Variants in SLC9D1 observed in about 807,000 individuals in gnomAD.
SLC9D1 encodes putative LAG1-interacting protein.
chr13:113,493,779 T>C, the SLC9D1 span, among the ~76,000 whole-genome samples: 1 of 152,172 alleles, frequency 6.6e-6, no homozygotes, highest in Non-Finnish European at 1.5e-5. Flanking sequence ...TGACTTTTGC[T>C]TGTAATTCTG....
the SLC9D1 span, among the ~76,000 whole-genome samples, chr13:113,540,403 C>G: frequency 6.6e-6 from 1 of 152,192 alleles, no homozygotes. Flanking sequence ...GCGTCTGTTG[C>G]CTTTTGACTT....
At chr13:113,508,240 A>G in the SLC9D1 span, among the ~76,000 whole-genome samples, 1 of 152,216 alleles carries the variant, frequency 6.6e-6, no homozygotes, top group Admixed American at 6.5e-5. Context: ...AACTAAAGCT[A>G]GAGAGATTGC....
chr13:113,500,245 C>T, the SLC9D1 span: 2 of 705,158 alleles, frequency 2.8e-6, no homozygotes, highest in Non-Finnish European at 4.2e-6. Flanking sequence ...GCACAGCCTT[C>T]CTTCTAGCAG....
At chr13:113,548,589 GC>G in the SLC9D1 span, 1 of 902,594 alleles carries the variant, frequency 1.1e-6, no homozygotes, top group Non-Finnish European at 1.6e-6. Context: ...GCACGCAGAG[GC>G]CTGGCTGCTC....
At chr13:113,511,378 G>A in the SLC9D1 span, among the ~76,000 whole-genome samples, 2 of 152,216 alleles carry the variant, frequency 1.3e-5, no homozygotes, top group Admixed American at 1.3e-4. Flanking sequence ...GCTCTGTGCC[G>A]GCAACTGAGA....
chr13:113,501,386 G>A, the SLC9D1 span, among the ~76,000 whole-genome samples: 1 of 152,172 alleles, frequency 6.6e-6, no homozygotes, highest in Non-Finnish European at 1.5e-5. Flanking sequence ...GTGCTTTAAA[G>A]TATATAGGAA....
the SLC9D1 span, chr13:113,500,084 A>G: frequency 1.9e-6 from 3 of 1,596,660 alleles, no homozygotes; most frequent in South Asian, 3.4e-5. Context: ...CTCCCAGAAC[A>G]ACCAGTATAT....
At chr13:113,534,651 C>T in the SLC9D1 span, 1,719 of 210,928 alleles carry the variant, frequency 8.1e-3, 40 homozygotes, top group South Asian at 0.072. Context: ...CCAGCTGGGG[C>T]GTGGTCGCGC....
chr13:113,500,631 G>A, the SLC9D1 span, among the ~76,000 whole-genome samples: 1 of 152,192 alleles, frequency 6.6e-6, no homozygotes, highest in African/African-American at 2.4e-5. Flanking sequence ...ATGCAGGGAG[G>A]TACTTGAAGC....
chr13:113,500,675 G>A, the SLC9D1 span, among the ~76,000 whole-genome samples: 2 of 152,202 alleles, frequency 1.3e-5, no homozygotes, highest in Admixed American at 6.5e-5. Flanking sequence ...TCACTCAGGA[G>A]GGAGTGGCAC....
the SLC9D1 span, among the ~76,000 whole-genome samples, chr13:113,496,600 T>A: frequency 6.6e-6 from 1 of 152,232 alleles, no homozygotes; most frequent in African/African-American, 2.4e-5. Flanking sequence ...AGCCATCATT[T>A]CTTGAGTACC....
At chr13:113,506,598 A>T in the SLC9D1 span, among the ~76,000 whole-genome samples, 1 of 151,744 alleles carries the variant, frequency 6.6e-6, no homozygotes, top group African/African-American at 2.4e-5. Flanking sequence ...AGAGGTTTGC[A>T]GCAAAGGGCA....
chr13:113,523,178 G>GT, the SLC9D1 span, among the ~76,000 whole-genome samples: 2 of 151,614 alleles, frequency 1.3e-5, no homozygotes, highest in African/African-American at 2.4e-5. Flanking sequence ...TTCACAAAAT[G>GT]TTTTGGGAAG....
At chr13:113,516,756 C>G in the SLC9D1 span, among the ~76,000 whole-genome samples, 3 of 152,088 alleles carry the variant, frequency 2.0e-5, no homozygotes, top group Non-Finnish European at 4.4e-5. Context: ...AGGGGCCCAA[C>G]CCTCGAAGGA....
chr13:113,539,465 C>T, the SLC9D1 span: 2 of 1,613,540 alleles, frequency 1.2e-6, no homozygotes, highest in Non-Finnish European at 1.7e-6. This position sits in a 1 kb window ranked among gnomAD's most constrained non-coding sequence, Gnocchi z 4.8. Context: ...CTCCATCGAA[C>T]CCATCCGCGA....
At chr13:113,521,650 C>T in the SLC9D1 span, among the ~76,000 whole-genome samples, 4 of 152,068 alleles carry the variant, frequency 2.6e-5, no homozygotes, top group East Asian at 3.9e-4. Flanking sequence ...CTCCCAATAT[C>T]GTATTGCCAA....
chr13:113,534,031 T>C, the SLC9D1 span: 58 of 1,575,192 alleles, frequency 3.7e-5, no homozygotes, highest in South Asian at 6.4e-4. Context: ...TCACGTCTCT[T>C]TTTTCTTTCC....
chr13:113,549,211 GTCCC>G, the SLC9D1 span, among the ~76,000 whole-genome samples: 20 of 152,084 alleles, frequency 1.3e-4, no homozygotes, highest in African/African-American at 2.2e-4. Context: ...ATGTGCAGGC[GTCCC>G]TCCCAGCACT....
At chr13:113,534,167 T>C in the SLC9D1 span, 6 of 1,614,018 alleles carry the variant, frequency 3.7e-6, no homozygotes, top group Admixed American at 6.7e-5. Flanking sequence ...TATCGGAAGC[T>C]GCACATGGAA....
Sources: allele counts gnomAD v4.1 joint callset (sites outside exome capture counted in the v4.1 genomes callset), GRCh38; gene constraint gnomAD v4.1.1; non-coding constraint Gnocchi (gnomAD v3.1); transcripts MANE v1.5; gene names NCBI Gene and HGNC (gene_info 2026-07-23, HGNC 2026-07-21).